Variants in MINDY4 observed in about 807,000 individuals in gnomAD.
The protein encoded by MINDY4 is MINDY lysine 48 deubiquitinase 4, also known as probable ubiquitin carboxyl-terminal hydrolase MINDY-4.
A neutral mutation model predicts 87.0 loss-of-function variants in MINDY4; 68 were observed. The observed-to-expected ratio is 0.78, with a 90% CI of 0.64 to 0.96. The LOEUF (loss-of-function observed/expected upper bound fraction) is 0.96, where lower values mean the gene tolerates loss of function less well. Among genes scored for constraint, MINDY4 ranks in the 40% least tolerant of loss-of-function variants. MINDY4 has a pLI of 0.00. For missense variants in MINDY4, 919 were observed against 928.2 expected, an observed-to-expected ratio of 0.99 and a Z score of 0.13; for synonymous variants, 379 against 363.2, an observed-to-expected ratio of 1.04 and a Z score of -0.50.
chr7:30,809,525 G>A (rs773101560), intron 5 of MINDY4, among the ~76,000 whole-genome samples: 1 of 151,110 alleles, frequency 6.6e-6, no homozygotes, highest in African/African-American at 2.4e-5. Flanking sequence ...CAGGACCATC[G>A]ATGGTTCCTC....
Position 30,839,232 on chromosome 7 carries a change from T to G in MINDY4, c.1272T>G (p.Phe424Leu), listed in dbSNP as rs1005897259. ...EIKTLLFGSS[F>L]CCFNEEWKLQ... ...AGACCCTTCTGTTTGGTTCCAGCTTTTGCTGTTTCAATGAAGAATGGAAAC... is the reference window on the plus strand; with the variant it reads ...AGACCCTTCTGTTTGGTTCCAGCTTGTGCTGTTTCAATGAAGAATGGAAAC... The change falls in exon 8 of 18, where the codon TTT becomes TTG. Residue 424 changes from phenylalanine to leucine, a missense_variant. By Grantham distance (22) the Phe-to-Leu change is conservative. Coordinates refer to ENST00000265299, the MANE Select transcript of MINDY4 (RefSeq NM_032222.3). 1 of 1,610,972 alleles carries G rather than the reference T, an allele frequency of 6.2e-7. No homozygotes were observed. Among genetic ancestry groups the G allele is most frequent in the South Asian group, 1.1e-5 (1 of 89,764 alleles).
chr7:30,771,822 G>A (rs1345230242), intron 1 of MINDY4, among the ~76,000 whole-genome samples: 1 of 152,228 alleles, frequency 6.6e-6, no homozygotes, highest in East Asian at 1.9e-4. Flanking sequence ...GCGCTCCGGG[G>A]CGGCGGCAGC....
At chr7:30,885,772 G>A (rs1015932279) in intron 17 of MINDY4, among the ~76,000 whole-genome samples, 1 of 143,820 alleles carries the variant, frequency 7.0e-6, no homozygotes, top group African/African-American at 2.7e-5. Context: ...TCTCTGGCCC[G>A]CCATAGGCAC....
rs569366374 is a variant in MINDY4 at position 30,828,316 on chromosome 7, A to ATT, written c.1074-361_1074-360dup. On this transcript the variant is annotated intron_variant, in intron 5 of 17. Transcript: ENST00000265299. ...TCTGGGCAATGATGACAAGAACTCG[A>ATT]TTTGTGTGTGTGTGTGTGTGTGTGT... Among the ~76,000 whole-genome samples the ATT allele has an allele frequency of 6.4e-3, 881 of 138,650 alleles. 3 individuals are homozygous for ATT. Among genetic ancestry groups the ATT allele is most frequent in the African/African-American group, 0.025 (838 of 33,946 alleles). 91.0% of individuals were successfully genotyped at this position (138,650 alleles called of 152,430 possible).
chr7:30,831,747 T>C (rs1788709165), intron 6 of MINDY4, among the ~76,000 whole-genome samples: 1 of 152,176 alleles, frequency 6.6e-6, no homozygotes, highest in Non-Finnish European at 1.5e-5. Flanking sequence ...TGGCCCATTC[T>C]CCCTATGGAA....
chr7:30,777,913 G>T (rs1562527654), intron 1 of MINDY4, among the ~76,000 whole-genome samples: 2 of 152,190 alleles, frequency 1.3e-5, no homozygotes, highest in Non-Finnish European at 2.9e-5. Context: ...AGTTCAGGGT[G>T]GGATGATGGA....
At chr7:30,781,189 G>A (rs1259336237) in intron 2 of MINDY4, 1 of 152,248 alleles carries the variant, frequency 6.6e-6, no homozygotes, top group African/African-American at 2.4e-5. Flanking sequence ...CGAGTGGGTT[G>A]GGGACTGACA....
At chr7:30,847,954 A>G (rs1789277866) in intron 9 of MINDY4, among the ~76,000 whole-genome samples, 1 of 152,102 alleles carries the variant, frequency 6.6e-6, no homozygotes, top group African/African-American at 2.4e-5. Context: ...GCTGTTCTCA[A>G]ACTCCTGGCC....
chr7:30,794,302 A>G (rs556339368), intron 5 of MINDY4, among the ~76,000 whole-genome samples: 1 of 152,242 alleles, frequency 6.6e-6, no homozygotes, highest in South Asian at 2.1e-4. Context: ...TGAGTTCTTC[A>G]AGGGGAGACA....
intron 13 of MINDY4, among the ~76,000 whole-genome samples, chr7:30,863,253 G>T (rs1789823402): frequency 6.6e-6 from 1 of 152,222 alleles, no homozygotes; most frequent in African/African-American, 2.4e-5. Flanking sequence ...TGAGTCTCCA[G>T]GACCAACTGC....
At chr7:30,874,880 G>A (rs1790212144) in intron 14 of MINDY4, among the ~76,000 whole-genome samples, 1 of 152,198 alleles carries the variant, frequency 6.6e-6, no homozygotes, top group African/African-American at 2.4e-5. Context: ...TATGTAAGAT[G>A]TTATCGTTGG....
intron 5 of MINDY4, among the ~76,000 whole-genome samples, chr7:30,797,707 G>A (rs1415857153): frequency 6.6e-6 from 1 of 152,188 alleles, no homozygotes; most frequent in African/African-American, 2.4e-5. Flanking sequence ...GAGACATGCT[G>A]TGATCTCACT....
In MINDY4 at chr7:30,859,269, C is replaced by A. The variant is rs1789677129; in HGVS notation, c.1690C>A (p.Pro564Thr). 6.2e-7 allele frequency: 1 copy of A among 1,613,972 alleles called. No homozygotes were observed. The highest frequency in any genetic ancestry group is 1.3e-5 in the African/African-American group (1 of 74,882). ...QQSIHQFEVG[P>T]YGCILLTLSA... is the part of the protein sequence containing the mutation. Reference sequence around the variant, plus strand: ...CTCCCCCTCCCAGTTTGAAGTGGGCCCCTATGGCTGCATCCTGCTCACCCT... The same window carrying A: ...CTCCCCCTCCCAGTTTGAAGTGGGCACCTATGGCTGCATCCTGCTCACCCT... Residue 564 changes from proline (P) to threonine (T), a missense_variant, in exon 13 of 18, where the codon CCC becomes ACC. By Grantham distance (38) the Pro-to-Thr change is conservative. Transcript: ENST00000265299.
chr7:30,850,077 A>G (rs1336279909), intron 9 of MINDY4, among the ~76,000 whole-genome samples: 1 of 152,180 alleles, frequency 6.6e-6, no homozygotes, highest in East Asian at 1.9e-4. Context: ...GGGTCCTGAG[A>G]TGGCAGTCAT....
chr7:30,812,752 C>G (rs1028415043), intron 5 of MINDY4, among the ~76,000 whole-genome samples: 2 of 152,168 alleles, frequency 1.3e-5, no homozygotes, highest in Non-Finnish European at 2.9e-5. Context: ...TTCCCACCCC[C>G]CTTTTCCAGA....
intron 7 of MINDY4, 82 bp downstream of exon 7, chr7:30,836,846 A>G (rs1474833941): frequency 6.4e-5 from 65 of 1,013,428 alleles, no homozygotes; most frequent in South Asian, 1.7e-4. Context: ...TTCTGCCCCA[A>G]TCCAGCTCAT....
Position 30,865,341 on chromosome 7 carries a change from C to G in MINDY4, c.1745+6017C>G, listed in dbSNP as rs78587815. On this transcript the variant is annotated intron_variant, in intron 13 of 17. Coordinates refer to ENST00000265299, the MANE Select transcript of MINDY4 (RefSeq NM_032222.3). ...CTCCAGCCGAACTTTGACACTGATT[C>G]AGATTAGGGCAGAGGCCCCACTAAT... Among the ~76,000 whole-genome samples, 469 of 152,374 alleles carry G rather than the reference C, an allele frequency of 3.1e-3. 1 individual carries two copies. Among genetic ancestry groups the G allele is most frequent in the African/African-American group, 0.011 (446 of 41,588 alleles).
At chr7:30,868,205 G>A (rs542244089) in intron 13 of MINDY4, among the ~76,000 whole-genome samples, 2 of 152,324 alleles carry the variant, frequency 1.3e-5, no homozygotes, top group South Asian at 4.1e-4. Flanking sequence ...AGGGCTTTGG[G>A]ACTCTAGGGC....
chr7:30,849,226 C>G (rs62449085), intron 9 of MINDY4, among the ~76,000 whole-genome samples: 20,389 of 152,192 alleles, frequency 0.13, 1,515 homozygotes, highest in Middle Eastern at 0.25. Context: ...TATTCTTCCT[C>G]CCCAGCACAG....
Sources: allele counts gnomAD v4.1 joint callset (sites outside exome capture counted in the v4.1 genomes callset), GRCh38; gene constraint gnomAD v4.1.1; transcripts MANE v1.5; gene names NCBI Gene and HGNC (gene_info 2026-07-23, HGNC 2026-07-21).